The following PHF21A variants were observed in gnomAD, a reference collection of about 807,000 sequenced individuals.
PHF21A encodes PHD finger protein 21A.
Under a neutral mutation model 82.5 loss-of-function variants are expected in PHF21A, and 11 were observed. The ratio of observed to expected loss-of-function variants is 0.13; its 90% confidence interval spans 0.08 to 0.22. PHF21A has a LOEUF of 0.22. PHF21A is among the 10% of genes least tolerant of loss of function. PHF21A has a pLI of 1.00. For missense variants in PHF21A, 579 were observed against 837.8 expected, an observed-to-expected ratio of 0.69 and a Z score of 3.81; for synonymous variants, 297 against 302.8, an observed-to-expected ratio of 0.98 and a Z score of 0.20.
intron 7 of PHF21A, among the ~76,000 whole-genome samples, chr11:45,977,530 T>C (rs953248191): frequency 1.3e-5 from 2 of 152,226 alleles, no homozygotes; most frequent in African/African-American, 4.8e-5. Flanking sequence ...CAATGAATTC[T>C]ACCACACTCC....
intron 6 of PHF21A, among the ~76,000 whole-genome samples, chr11:46,039,000 G>A (rs1047165292): frequency 6.6e-6 from 1 of 152,142 alleles, no homozygotes; most frequent in Non-Finnish European, 1.5e-5. Flanking sequence ...GTGGGCACAA[G>A]TTTGACATGA....
chr11:46,052,073 C>T (rs1288266752), intron 6 of PHF21A, among the ~76,000 whole-genome samples: 1 of 152,100 alleles, frequency 6.6e-6, no homozygotes, highest in Non-Finnish European at 1.5e-5. Context: ...AGCATATGAC[C>T]CAGGCCTAAT....
intron 6 of PHF21A, among the ~76,000 whole-genome samples, chr11:46,044,552 T>C (rs756974830): frequency 2.6e-5 from 4 of 152,146 alleles, no homozygotes; most frequent in Non-Finnish European, 5.9e-5. Context: ...GGACTTCTCT[T>C]ACTCTTTCGG....
chr11:46,074,148 A>C (rs2096692695), intron 6 of PHF21A, among the ~76,000 whole-genome samples: 1 of 152,164 alleles, frequency 6.6e-6, no homozygotes, highest in African/African-American at 2.4e-5. Flanking sequence ...GTCAGATGCA[A>C]CTTTTTTTAA....
At chr11:46,117,876 C>A (rs372110559) in intron 1 of PHF21A, 1 of 152,204 alleles carries the variant, frequency 6.6e-6, no homozygotes, top group Admixed American at 6.5e-5. Context: ...ACTTCACTTT[C>A]AAGTAGCAAA....
intron 10 of PHF21A, among the ~76,000 whole-genome samples, chr11:45,960,376 G>A (rs2092997873): frequency 6.6e-6 from 1 of 152,052 alleles, no homozygotes; most frequent in Admixed American, 6.6e-5. Flanking sequence ...AAAATAGAAG[G>A]GGGCACTGAT....
At position 45,945,762 on chromosome 11, in the gene PHF21A, A is replaced by G. The variant is rs955579959; in HGVS notation, c.1452+78T>C. On this transcript the variant is annotated intron_variant, in intron 15 of 18. Coordinates refer to ENST00000676320, the MANE Select transcript of PHF21A (RefSeq NM_001352027.3). ...GGGTTAGTCAAGAAGGTGCAAGTCG[A>G]TAAGGAGACAACATATGATAACGCT... 15 of 1,240,946 alleles carry G rather than the reference A, an allele frequency of 1.2e-5. No homozygotes were observed. In the African/African-American group the frequency reaches 1.7e-4, roughly 14 times the overall value. 76.9% of individuals were successfully genotyped at this position (1,240,946 alleles called of 1,614,324 possible). A position where few individuals can be genotyped will look rare whatever the true frequency, so the allele number is the denominator to read the frequency against.
chr11:46,061,582 C>T (rs1177362310), intron 6 of PHF21A, among the ~76,000 whole-genome samples: 2 of 152,226 alleles, frequency 1.3e-5, no homozygotes, highest in Admixed American at 6.5e-5. Flanking sequence ...CTTTCCCATA[C>T]TTTCCAAAGA....
intron 10 of PHF21A, among the ~76,000 whole-genome samples, chr11:45,957,607 T>C (rs1409991866): frequency 6.6e-6 from 1 of 151,472 alleles, no homozygotes; most frequent in Non-Finnish European, 1.5e-5. Context: ...GGCCACAACA[T>C]ACCAAAACTT....
intron 6 of PHF21A, among the ~76,000 whole-genome samples, chr11:46,072,037 GA>G (rs2096662287): frequency 1.3e-5 from 2 of 151,948 alleles, no homozygotes; most frequent in African/African-American, 4.8e-5. Context: ...ATTATACTAG[GA>G]ATAAAAAAGC....
At chr11:46,056,286 C>T (rs992228173) in intron 6 of PHF21A, among the ~76,000 whole-genome samples, 2 of 151,972 alleles carry the variant, frequency 1.3e-5, no homozygotes, top group Non-Finnish European at 2.9e-5. Flanking sequence ...CATGGGACAC[C>T]TGGCAGGGGA....
chr11:45,961,956 A>T (rs1311432805), intron 10 of PHF21A, among the ~76,000 whole-genome samples: 1 of 152,202 alleles, frequency 6.6e-6, no homozygotes, highest in Non-Finnish European at 1.5e-5. Context: ...AAGATCTCTT[A>T]TCTGGGGTAG....
chr11:45,981,392 CAAAAAAAAAAAAAAAAAAA>C (rs59866051), intron 6 of PHF21A, among the ~76,000 whole-genome samples: 2 of 60,264 alleles, frequency 3.3e-5, no homozygotes, highest in Non-Finnish European at 6.8e-5. Context: ...AACCCTGTCT[CAAAAAAAAAAAAAAAAAAA>C]AAAAAAAACT....
intron 3 of PHF21A, among the ~76,000 whole-genome samples, chr11:46,084,710 C>T (rs913678512): frequency 1.3e-5 from 2 of 149,688 alleles, no homozygotes; most frequent in Non-Finnish European, 3.0e-5. Flanking sequence ...GATGGAGTCT[C>T]GCTCTGTCGC....
chr11:45,943,458 G>A (rs941083522), intron 15 of PHF21A, among the ~76,000 whole-genome samples: 3 of 152,068 alleles, frequency 2.0e-5, no homozygotes, highest in Non-Finnish European at 4.4e-5. Context: ...GGGATTTACA[G>A]GCGTGAGCCA....
In PHF21A at chr11:45,932,112, C is replaced by G. The variant is rs1368184447; in HGVS notation, c.*1856G>C. ...AGACGTACCCTCAAAACATGTCACT[C>G]CTCCTCTGTTCTAAGCACCAAGGGC... On this transcript the variant is annotated 3_prime_UTR_variant, in exon 19 of 19. Transcript: ENST00000676320. The surrounding 1 kb of genome is among the most constrained non-coding windows in gnomAD (Gnocchi z 4.3). The G allele has an allele frequency of 6.7e-6, 1 of 149,926 alleles. No homozygotes were observed. Among genetic ancestry groups the G allele is most frequent in the African/African-American group, 2.5e-5 (1 of 40,672 alleles). 9.3% of individuals were successfully genotyped at this position (149,926 alleles called of 1,614,324 possible).
At chr11:46,079,011 T>C in intron 5 of PHF21A, 123 bp downstream of exon 5, 1 of 570,696 alleles carries the variant, frequency 1.8e-6, no homozygotes, top group Non-Finnish European at 3.1e-6. Flanking sequence ...TAAAAATAAT[T>C]GCTATTAGAA....
At position 45,980,302 on chromosome 11, in the gene PHF21A, G is replaced by A. The variant is rs182090821; in HGVS notation, c.154-336C>T. ...CGTAGCAGTAAAAAGCAGGACTCTG[G>A]AGCCATCCTACTTCAACTCCAATTT... On this transcript the variant is annotated intron_variant, in intron 6 of 18. Coordinates refer to ENST00000676320, the MANE Select transcript of PHF21A (RefSeq NM_001352027.3). Among the ~76,000 whole-genome samples, 3 of 152,246 alleles carry A rather than the reference G, an allele frequency of 2.0e-5. No individual in the cohort carries two copies. The East Asian group carries it at 5.8e-4, about 29-fold the overall frequency.
chr11:46,104,504 T>C (rs1442487815), intron 1 of PHF21A, among the ~76,000 whole-genome samples: 1 of 152,208 alleles, frequency 6.6e-6, no homozygotes. Context: ...TCCCATGTAT[T>C]TTCTATTTTT....
Sources: allele counts gnomAD v4.1 joint callset (sites outside exome capture counted in the v4.1 genomes callset), GRCh38; gene constraint gnomAD v4.1.1; non-coding constraint Gnocchi (gnomAD v3.1); transcripts MANE v1.5; gene names NCBI Gene and HGNC (gene_info 2026-07-23, HGNC 2026-07-21).